RASGEF1A: variants seen among roughly 807,000 people sequenced by gnomAD.
The protein encoded by RASGEF1A is ras-GEF domain-containing family member 1A.
RASGEF1A carries 18 observed loss-of-function variants against 56.4 expected under a neutral mutation model. The observed-to-expected ratio is 0.32, with a 90% confidence interval of 0.22 to 0.47. The LOEUF (loss-of-function observed/expected upper bound fraction) is 0.47. RASGEF1A is among the 20% of genes least tolerant of loss of function. The pLI, the probability that RASGEF1A is intolerant of heterozygous loss-of-function variation, is 1.00. For synonymous variants in RASGEF1A, 245 were observed against 242.6 expected, an observed-to-expected ratio of 1.01 and a Z score of -0.09; for missense variants, 422 against 627.1, an observed-to-expected ratio of 0.67 and a Z score of 3.49.
chr10:43,197,875 C>CT (rs954160505), intron 10 of RASGEF1A, 129 bp downstream of exon 10: 3 of 760,644 alleles, frequency 3.9e-6, no homozygotes, highest in Non-Finnish European at 6.4e-6. Context: ...GGCTTTCAGT[C>CT]TTGAAGGCCC....
At chr10:43,222,639 G>T (rs893273410) in intron 1 of RASGEF1A, among the ~76,000 whole-genome samples, 52 of 152,358 alleles carry the variant, frequency 3.4e-4, no homozygotes, top group Middle Eastern at 3.4e-3. Flanking sequence ...TCCTCTTACT[G>T]TTCATCTGTG....
intron 1 of RASGEF1A, among the ~76,000 whole-genome samples, chr10:43,230,745 C>T (rs1840355707): frequency 6.6e-6 from 1 of 152,220 alleles, no homozygotes; most frequent in Non-Finnish European, 1.5e-5. Context: ...CCTCACCCCA[C>T]CTCCACCCCC....
At chr10:43,228,245 G>A (rs1012641721) in intron 1 of RASGEF1A, among the ~76,000 whole-genome samples, 1 of 151,800 alleles carries the variant, frequency 6.6e-6, no homozygotes, top group South Asian at 2.1e-4. Context: ...TATGCCCCCC[G>A]CATAGCTCCC....
rs188121602 is a variant in RASGEF1A at position 43,213,661 on chromosome 10, C to T, written c.-6-7539G>A. ...TTTTGTTTTGAGACAGAGTCTTGCT[C>T]TGTGGCCCAGGCTGGAGTGCAGTGG... is the stretch of plus-strand genomic sequence containing the variant. On this transcript the variant is annotated intron_variant, in intron 1 of 12. Coordinates refer to ENST00000395810, the MANE Select transcript of RASGEF1A (RefSeq NM_145313.4). Among the ~76,000 whole-genome samples, 1,273 of 152,320 alleles carry T rather than the reference C, an allele frequency of 8.4e-3. 21 individuals are homozygous for T. Among genetic ancestry groups the T allele is most frequent in the Non-Finnish European group, 9.0e-3 (612 of 68,032 alleles).
intron 1 of RASGEF1A, among the ~76,000 whole-genome samples, chr10:43,216,317 C>T (rs946498599): frequency 6.6e-6 from 1 of 152,222 alleles, no homozygotes; most frequent in Non-Finnish European, 1.5e-5. Flanking sequence ...GGGCTCCTCC[C>T]ACCAGGACAT....
intron 1 of RASGEF1A, among the ~76,000 whole-genome samples, chr10:43,252,194 C>T (rs527503152): frequency 6.4e-4 from 97 of 152,326 alleles, no homozygotes; most frequent in African/African-American, 2.2e-3. Flanking sequence ...TGTGTGTGCA[C>T]GGTACTGCCA....
rs1839985679 is a variant in RASGEF1A, at chr10:43,205,797, C to T, written c.198+122G>A. On this transcript the variant is annotated intron_variant, in intron 2 of 12. Transcript: ENST00000395810. ...GAGGTGGGCCTGGGCCCCCCACTGC[C>T]CTGCCCCTCCTGCAGCCCTGTCCAG... The T allele has an allele frequency of 1.9e-5, 15 of 796,264 alleles. No homozygotes were observed. In the South Asian group the frequency reaches 2.4e-4, roughly 13 times the overall value. 49.3% of individuals were successfully genotyped at this position (796,264 alleles called of 1,614,324 possible). A position where few individuals can be genotyped will look rare whatever the true frequency, so the allele number is the denominator to read the frequency against.
chr10:43,225,351 G>A (rs1031355412), intron 1 of RASGEF1A, among the ~76,000 whole-genome samples: 2 of 150,176 alleles, frequency 1.3e-5, no homozygotes, highest in African/African-American at 2.5e-5. Context: ...CTCTGCATGT[G>A]TCTGTGTGTC....
At chr10:43,225,523 CTCTGTG>C (rs1168025781) in intron 1 of RASGEF1A, among the ~76,000 whole-genome samples, 1 of 151,344 alleles carries the variant, frequency 6.6e-6, no homozygotes, top group Non-Finnish European at 1.5e-5. Flanking sequence ...GTCTGTGTGT[CTCTGTG>C]TCTGTGTGCA....
intron 1 of RASGEF1A, among the ~76,000 whole-genome samples, chr10:43,243,160 G>C (rs1000597313): frequency 1.3e-5 from 2 of 148,898 alleles, no homozygotes; most frequent in Admixed American, 1.3e-4. Context: ...CTGGGAGGAA[G>C]TGAGGAGCGC....
At chr10:43,250,343 G>A (rs1369852746) in intron 1 of RASGEF1A, among the ~76,000 whole-genome samples, 3 of 152,206 alleles carry the variant, frequency 2.0e-5, no homozygotes, top group Non-Finnish European at 2.9e-5. Context: ...TTCCCTGTCG[G>A]GGGACGCAGA....
chr10:43,235,782 G>A (rs915527343), intron 1 of RASGEF1A, among the ~76,000 whole-genome samples: 3 of 152,174 alleles, frequency 2.0e-5, no homozygotes, highest in Non-Finnish European at 2.9e-5. Flanking sequence ...GGGACACAAG[G>A]CATGGGATGG....
chr10:43,206,785 G>T (rs1840002476), intron 1 of RASGEF1A: 1 of 986,014 alleles, frequency 1.0e-6, no homozygotes, highest in African/African-American at 1.7e-5. Flanking sequence ...ACATGGTGAA[G>T]GTCTTGGGCC....
chr10:43,262,794 G>A (rs910537292), intron 1 of RASGEF1A, among the ~76,000 whole-genome samples: 1 of 152,354 alleles, frequency 6.6e-6, no homozygotes, highest in African/African-American at 2.4e-5. Flanking sequence ...CCTGAGTAGG[G>A]GAACAGACTG....
At chr10:43,209,232 T>C in intron 1 of RASGEF1A, 1 of 984,638 alleles carries the variant, frequency 1.0e-6, no homozygotes, top group Non-Finnish European at 1.2e-6. Flanking sequence ...AAGGCTACAG[T>C]TGAAGAATCC....
rs200849993 is a variant in RASGEF1A at position 43,201,790 on chromosome 10, A to G, written c.459+18T>C. ...GCACACACCCAAAGACCCTGGCCAG[A>G]GCCCAGGGAGCACTCACCTCATCAC... On this transcript the variant is annotated intron_variant, in intron 4 of 12. Coordinates refer to ENST00000395810, the MANE Select transcript of RASGEF1A (RefSeq NM_145313.4). The G allele has an allele frequency of 7.7e-6, 12 of 1,556,758 alleles. No individual in the cohort carries two copies. The East Asian group carries it at 1.4e-4, about 18-fold the overall frequency.
chr10:43,198,764 A>C (rs1839841566), intron 9 of RASGEF1A, among the ~76,000 whole-genome samples, 169 bp downstream of exon 9: 1 of 152,222 alleles, frequency 6.6e-6, no homozygotes, highest in African/African-American at 2.4e-5. Flanking sequence ...GGACAACTTA[A>C]GTCCCCACTG....
chr10:43,238,695 G>A lies in RASGEF1A; in HGVS notation c.-7+28150C>T, dbSNP rs561492902. Among the ~76,000 whole-genome samples, 25 of 152,288 alleles carry A rather than the reference G, an allele frequency of 1.6e-4. No homozygotes were observed. In the South Asian group the frequency reaches 1.9e-3, roughly 11 times the overall value. ...CCCTGACTGCCATTCGGGCAAGTGGGGATACTGAGGGACCCTGAAAGATAT... is the reference window on the plus strand; with the variant it reads ...CCCTGACTGCCATTCGGGCAAGTGGAGATACTGAGGGACCCTGAAAGATAT... On this transcript the variant is annotated intron_variant, in intron 1 of 12. Coordinates refer to ENST00000395810, the MANE Select transcript of RASGEF1A (RefSeq NM_145313.4).
At chr10:43,230,735 C>T (rs1035417911) in intron 1 of RASGEF1A, among the ~76,000 whole-genome samples, 6 of 152,184 alleles carry the variant, frequency 3.9e-5, no homozygotes, top group African/African-American at 1.2e-4. Flanking sequence ...ATGCCCATAC[C>T]CTCACCCCAC....
Sources: gnomAD v4.1 joint callset for allele counts (sites outside exome capture counted in the v4.1 genomes callset) on GRCh38, gnomAD v4.1.1 for gene constraint, MANE v1.5 for transcripts, NCBI Gene and HGNC (gene_info 2026-07-23, HGNC 2026-07-21) for gene names.